Variants in EYS observed in about 807,000 individuals in gnomAD.
EYS encodes the protein EGF-like photoreceptor maintenance factor.
EYS carries 250 observed loss-of-function variants against 282.1 expected under a neutral mutation model. The observed-to-expected ratio is 0.89, with a 90% CI of 0.80 to 0.98. EYS has a LOEUF of 0.98. EYS is among the 50% of genes least tolerant of loss of function. The probability of loss-of-function intolerance (pLI) is 0.00; values close to 1 mark genes in which losing one functional copy is unlikely to be tolerated. For synonymous variants in EYS, 1,355 were observed against 1,282.9 expected (o/e 1.06, Z -1.20); for missense variants, 4,016 against 3,709.0 (o/e 1.08, Z -2.15).
At chr6:65,643,651 C>T (rs1173700344) in intron 1 of EYS, among the ~76,000 whole-genome samples, 5 of 152,160 alleles carry the variant, frequency 3.3e-5, no homozygotes, top group Non-Finnish European at 7.3e-5. Flanking sequence ...AACAAAAACA[C>T]AACCAAAGAC....
intron 22 of EYS, among the ~76,000 whole-genome samples, chr6:64,711,018 C>A (rs1417925524): frequency 6.6e-6 from 1 of 152,104 alleles, no homozygotes; most frequent in Non-Finnish European, 1.5e-5. Context: ...AAATGCCGTA[C>A]CGTAAGACAG....
chr6:64,552,612 A>C (rs1765118706), intron 26 of EYS, among the ~76,000 whole-genome samples: 1 of 152,196 alleles, frequency 6.6e-6, no homozygotes, highest in South Asian at 2.1e-4. Flanking sequence ...ACTAATTGCC[A>C]ATTAGAAAAT....
chr6:64,498,828 G>A (rs950977149), intron 26 of EYS, among the ~76,000 whole-genome samples: 5 of 152,106 alleles, frequency 3.3e-5, no homozygotes, highest in Admixed American at 1.3e-4. Flanking sequence ...AGTATTCCAT[G>A]TGTATATGTG....
intron 26 of EYS, among the ~76,000 whole-genome samples, chr6:64,544,858 C>T (rs1327617308): frequency 6.6e-6 from 1 of 152,050 alleles, no homozygotes; most frequent in Non-Finnish European, 1.5e-5. Flanking sequence ...ATAACAGGCT[C>T]TGAAATTGAG....
intron 8 of EYS, among the ~76,000 whole-genome samples, chr6:65,367,595 T>C (rs2150338784): frequency 6.6e-6 from 1 of 151,802 alleles, no homozygotes; most frequent in East Asian, 1.9e-4. Flanking sequence ...ATAGTTGTTT[T>C]AATTTATTTT....
At chr6:64,966,709 T>G (rs1442540362) in intron 14 of EYS, among the ~76,000 whole-genome samples, 1 of 152,216 alleles carries the variant, frequency 6.6e-6, no homozygotes, top group Non-Finnish European at 1.5e-5. Flanking sequence ...AGCCTTTTTC[T>G]TCTATCTTCA....
At chr6:64,288,225 T>C (rs2150364404) in intron 30 of EYS, among the ~76,000 whole-genome samples, 1 of 152,246 alleles carries the variant, frequency 6.6e-6, no homozygotes, top group South Asian at 2.1e-4. Flanking sequence ...ATTTTAATGT[T>C]TTTTTCCTGC....
At chr6:64,843,801 G>A (rs1248621015) in intron 19 of EYS, among the ~76,000 whole-genome samples, 1 of 152,022 alleles carries the variant, frequency 6.6e-6, no homozygotes, top group Non-Finnish European at 1.5e-5. Flanking sequence ...GAAATGTGAG[G>A]ACATGAGATT....
chr6:63,911,765 T>A (rs186992500), intron 35 of EYS, among the ~76,000 whole-genome samples: 15 of 152,324 alleles, frequency 9.8e-5, no homozygotes, highest in Admixed American at 9.8e-4. Context: ...TAATTGGAGA[T>A]ACCATGAGGT....
At chr6:64,342,087 G>A (rs1162626795) in intron 29 of EYS, among the ~76,000 whole-genome samples, 1 of 151,484 alleles carries the variant, frequency 6.6e-6, no homozygotes, top group Non-Finnish European at 1.5e-5. Flanking sequence ...TTAAAACCAT[G>A]TAAAAATATT....
At chr6:65,373,981 A>G (rs1221601283) in intron 8 of EYS, among the ~76,000 whole-genome samples, 2 of 152,156 alleles carry the variant, frequency 1.3e-5, no homozygotes, top group South Asian at 2.1e-4. Flanking sequence ...AGAAATATAA[A>G]CTGCGTATGC....
intron 26 of EYS, among the ~76,000 whole-genome samples, chr6:64,544,900 TC>T (rs957291155): frequency 1.6e-3 from 238 of 152,080 alleles, no homozygotes; most frequent in African/African-American, 5.5e-3. Context: ...AGAAAAAAAG[TC>T]CAGGACCAGA....
chr6:64,100,616 G>T (rs1033857920), intron 31 of EYS, among the ~76,000 whole-genome samples: 3 of 151,856 alleles, frequency 2.0e-5, no homozygotes, highest in African/African-American at 7.3e-5. Context: ...AACCCAATTT[G>T]TAGAATTTAC....
At chr6:64,362,945 C>T (rs1248592561) in intron 29 of EYS, among the ~76,000 whole-genome samples, 2 of 150,954 alleles carry the variant, frequency 1.3e-5, no homozygotes, top group African/African-American at 4.9e-5. Flanking sequence ...TTTCTCTTTC[C>T]TTTCTTTTTC....
chr6:65,426,725 A>C (rs575358821), intron 5 of EYS, among the ~76,000 whole-genome samples: 139 of 152,096 alleles, frequency 9.1e-4, no homozygotes, highest in African/African-American at 3.3e-3. Flanking sequence ...CTTCTACACT[A>C]TTTTCCTTTT....
At chr6:65,073,379 C>A (rs1226851338) in intron 12 of EYS, among the ~76,000 whole-genome samples, 1 of 151,536 alleles carries the variant, frequency 6.6e-6, no homozygotes, top group East Asian at 1.9e-4. Flanking sequence ...CCCAAGAATG[C>A]AAGAATTATT....
At chr6:64,730,666 C>A (rs373797203) in intron 22 of EYS, 1 of 151,890 alleles carries the variant, frequency 6.6e-6, no homozygotes, top group Non-Finnish European at 1.5e-5. Flanking sequence ...TTAGTAGAGA[C>A]GAGTTTTCTC....
intron 12 of EYS, among the ~76,000 whole-genome samples, chr6:65,231,142 C>CTTTTATATATATAA (rs1766770401): frequency 3.6e-5 from 1 of 27,948 alleles, no homozygotes; most frequent in South Asian, 2.2e-3. Flanking sequence ...TATATATATA[C>CTTTTATATATATAA]TTTTATATAT....
chr6:65,263,253 A>C (rs1285359763), intron 12 of EYS, among the ~76,000 whole-genome samples: 1 of 152,072 alleles, frequency 6.6e-6, no homozygotes, highest in Non-Finnish European at 1.5e-5. Context: ...AAGTGGGATG[A>C]TCACCTGAGC....
Sources: gnomAD v4.1 joint callset for allele counts (sites outside exome capture counted in the v4.1 genomes callset) on GRCh38, gnomAD v4.1.1 for gene constraint, MANE v1.5 for transcripts, NCBI Gene and HGNC (gene_info 2026-07-23, HGNC 2026-07-21) for gene names.